Variants in PTPRN2 observed in about 807,000 individuals in gnomAD.
PTPRN2 encodes protein tyrosine phosphatase receptor type N2.
In PTPRN2, 74 loss-of-function variants were observed where a neutral mutation model predicts 118.8. The ratio of observed to expected loss-of-function variants is 0.62; its 90% CI spans 0.52 to 0.76. The LOEUF is 0.76. Among genes scored for constraint, PTPRN2 ranks in the 30% least tolerant of loss-of-function variants. The pLI, the probability that PTPRN2 is intolerant of heterozygous loss-of-function variation, is 0.00. For synonymous variants in PTPRN2, 641 were observed against 608.0 expected (o/e 1.05, Z -0.80); for missense variants, 1,481 against 1,394.4 (o/e 1.06, Z -0.99).
At chr7:157,621,636 C>T in intron 14 of PTPRN2, 127 bp from the exon 15 acceptor site, 6 of 1,218,894 alleles carry the variant, frequency 4.9e-6, no homozygotes, top group African/African-American at 1.5e-5. Flanking sequence ...CGAGCCTGGG[C>T]CATGGTGCGA....
At chr7:157,928,860 G>T (rs1032828138) in intron 11 of PTPRN2, among the ~76,000 whole-genome samples, 1 of 149,374 alleles carries the variant, frequency 6.7e-6, no homozygotes, top group African/African-American at 2.5e-5. Flanking sequence ...AGGATAGGAT[G>T]GGGGGGTGGG....
At chr7:158,102,938 G>A (rs1323521392) in intron 10 of PTPRN2, among the ~76,000 whole-genome samples, 7 of 152,126 alleles carry the variant, frequency 4.6e-5, no homozygotes, top group South Asian at 4.1e-4. Flanking sequence ...GCTCCTCAGC[G>A]GCATCAGAGC....
chr7:157,735,523 C>G (rs1426182041), intron 12 of PTPRN2, among the ~76,000 whole-genome samples: 1 of 152,240 alleles, frequency 6.6e-6, no homozygotes, highest in African/African-American at 2.4e-5. Context: ...GGGTTTGAAG[C>G]TGCCCTTTGG....
chr7:157,970,646 C>CCA (rs1554503339), intron 11 of PTPRN2, among the ~76,000 whole-genome samples: 10 of 150,840 alleles, frequency 6.6e-5, no homozygotes, highest in Admixed American at 2.0e-4. Context: ...ACCCCCCCCC[C>CCA]CACAGGTTGC....
At chr7:158,253,298 A>C (rs1796805548) in intron 3 of PTPRN2, among the ~76,000 whole-genome samples, 1 of 150,768 alleles carries the variant, frequency 6.6e-6, no homozygotes, top group African/African-American at 2.5e-5. Context: ...CGGGGGCCTG[A>C]GGACTCGAGG....
chr7:157,701,130 T>C (rs1266185750), intron 12 of PTPRN2, among the ~76,000 whole-genome samples: 2 of 152,240 alleles, frequency 1.3e-5, no homozygotes, highest in African/African-American at 2.4e-5. Context: ...CATGCATTTT[T>C]TTTTCCAGTT....
intron 1 of PTPRN2, among the ~76,000 whole-genome samples, chr7:158,577,968 C>A (rs1398455869): frequency 6.6e-6 from 1 of 152,222 alleles, no homozygotes; most frequent in South Asian, 2.1e-4. Context: ...AGACTGCCCA[C>A]CCTTACCCTG....
At chr7:157,899,986 T>C (rs1797349310) in intron 11 of PTPRN2, among the ~76,000 whole-genome samples, 1 of 152,162 alleles carries the variant, frequency 6.6e-6, no homozygotes, top group African/African-American at 2.4e-5. Flanking sequence ...TCTGACAGAT[T>C]GGCAAGCTTC....
intron 2 of PTPRN2, among the ~76,000 whole-genome samples, chr7:158,429,793 T>TG (rs1305147060): frequency 6.6e-6 from 1 of 152,258 alleles, no homozygotes; most frequent in African/African-American, 2.4e-5. Flanking sequence ...TAACAGGCCA[T>TG]GGATGGTGAG....
At chr7:158,499,235 C>T (rs570903521) in intron 1 of PTPRN2, among the ~76,000 whole-genome samples, 1 of 152,210 alleles carries the variant, frequency 6.6e-6, no homozygotes, top group East Asian at 1.9e-4. Context: ...CAGCTGGGCC[C>T]TGTTAAATGA....
At chr7:157,791,142 C>T (rs1247556951) in intron 12 of PTPRN2, among the ~76,000 whole-genome samples, 1 of 152,160 alleles carries the variant, frequency 6.6e-6, no homozygotes, top group Admixed American at 6.5e-5. Flanking sequence ...CTGGCATCGC[C>T]TGCAACAGCA....
At chr7:157,705,956 G>T (rs533527232) in intron 12 of PTPRN2, among the ~76,000 whole-genome samples, 1 of 150,810 alleles carries the variant, frequency 6.6e-6, no homozygotes, top group African/African-American at 2.4e-5. Flanking sequence ...TGAATCTGAC[G>T]CCAGTGCCTT....
chr7:158,485,701 C>T (rs547761286), intron 2 of PTPRN2, among the ~76,000 whole-genome samples: 1 of 152,090 alleles, frequency 6.6e-6, no homozygotes, highest in South Asian at 2.1e-4. Context: ...CTTCATGTGC[C>T]TCCTTCCCAC....
At chr7:158,467,511 C>T (rs1358088009) in intron 2 of PTPRN2, among the ~76,000 whole-genome samples, 1 of 152,060 alleles carries the variant, frequency 6.6e-6, no homozygotes, top group East Asian at 1.9e-4. Flanking sequence ...GGGTCTTGTC[C>T]AAAACTTCTT....
At chr7:158,421,231 T>C (rs1815219123) in intron 2 of PTPRN2, among the ~76,000 whole-genome samples, 3 of 152,148 alleles carry the variant, frequency 2.0e-5, no homozygotes, top group African/African-American at 4.8e-5. Context: ...AGGCCTTTGG[T>C]TGAAAAGCTG....
At chr7:158,434,798 TC>T in intron 2 of PTPRN2, among the ~76,000 whole-genome samples, 1 of 152,314 alleles carries the variant, frequency 6.6e-6, no homozygotes, top group Non-Finnish European at 1.5e-5. Flanking sequence ...TGTTAGCTAT[TC>T]TTTTTGTGGC....
intron 2 of PTPRN2, among the ~76,000 whole-genome samples, chr7:158,463,666 TATC>T (rs1189706135): frequency 6.6e-6 from 1 of 152,050 alleles, no homozygotes; most frequent in African/African-American, 2.4e-5. Context: ...GTCATCACCA[TATC>T]ATCACTATCT....
chr7:158,198,335 G>T (rs1826376749), intron 4 of PTPRN2, among the ~76,000 whole-genome samples: 1 of 152,146 alleles, frequency 6.6e-6, no homozygotes. Flanking sequence ...GCTTGAAGTA[G>T]GTCAAAACTT....
intron 3 of PTPRN2, among the ~76,000 whole-genome samples, chr7:158,287,504 T>C (rs1799841596): frequency 1.3e-5 from 2 of 152,138 alleles, no homozygotes; most frequent in Admixed American, 1.3e-4. Flanking sequence ...CCCATAGGTT[T>C]TGGTATGCTT....
Sources: gnomAD v4.1 joint callset for allele counts (sites outside exome capture counted in the v4.1 genomes callset) on GRCh38, gnomAD v4.1.1 for gene constraint, MANE v1.5 for transcripts, NCBI Gene and HGNC (gene_info 2026-07-23, HGNC 2026-07-21) for gene names.